Variants in STK35 observed in about 807,000 individuals in gnomAD.
STK35 encodes serine/threonine-protein kinase 35.
A neutral mutation model predicts 37.3 loss-of-function variants in STK35; 17 were observed. The ratio of observed to expected loss-of-function variants is 0.46; its 90% CI spans 0.31 to 0.68. STK35 has a LOEUF of 0.68. Among genes scored for constraint, STK35 ranks in the 30% least tolerant of loss-of-function variants. The pLI, the probability that STK35 is intolerant of heterozygous loss-of-function variation, is 0.05. For synonymous variants in STK35, 385 were observed against 319.1 expected (o/e 1.21, Z -2.20); for missense variants, 595 against 746.7 (o/e 0.80, Z 2.37).
At chr20:2,118,055 A>C (rs867674931) in intron 3 of STK35, among the ~76,000 whole-genome samples, 1 of 152,148 alleles carries the variant, frequency 6.6e-6, no homozygotes. Flanking sequence ...CAGAGAATAA[A>C]CACTATCTCT....
At chr20:2,124,280 G>A (rs1361371067) in intron 3 of STK35, among the ~76,000 whole-genome samples, 1 of 152,146 alleles carries the variant, frequency 6.6e-6, no homozygotes, top group East Asian at 1.9e-4. Context: ...TCCAGAATAT[G>A]GTGATAAGCA....
intron 3 of STK35, among the ~76,000 whole-genome samples, chr20:2,118,092 C>A (rs970213101): frequency 6.6e-6 from 1 of 152,136 alleles, no homozygotes; most frequent in East Asian, 1.9e-4. Context: ...CTCACACATC[C>A]GGTTCCACAT....
intron 2 of STK35, among the ~76,000 whole-genome samples, chr20:2,114,200 G>A (rs954853951): frequency 1.3e-5 from 2 of 152,082 alleles, no homozygotes; most frequent in Non-Finnish European, 2.9e-5. Flanking sequence ...GAAAGCATAC[G>A]CTGCAGCTTC....
At position 2,117,484 on chromosome 20, in the gene STK35, G is replaced by T; in HGVS notation, c.*37+69G>T. The T allele has an allele frequency of 1.2e-6, 1 of 856,154 alleles. No individual in the cohort carries two copies. Among genetic ancestry groups the T allele is most frequent in the African/African-American group, 1.7e-5 (1 of 58,782 alleles). The allele number at this position is 856,154 out of a possible 1,614,324, so 53.0% of individuals were successfully genotyped here. A position where few individuals can be genotyped will look rare whatever the true frequency, so the allele number is the denominator to read the frequency against. On this transcript the variant is annotated intron_variant, in intron 3 of 3. Coordinates refer to ENST00000381482, the MANE Select transcript of STK35 (RefSeq NM_080836.4). This position sits in a 1 kb window ranked among gnomAD's most constrained non-coding sequence, Gnocchi z 4.4. ...AGGGTCTCACTCTGTTGGTCAGGCT[G>T]GGGTGCAGCGGGTGCAGTGGCAGGA...
At chr20:2,139,585 G>C (rs527912612) in intron 3 of STK35, among the ~76,000 whole-genome samples, 14 of 152,152 alleles carry the variant, frequency 9.2e-5, no homozygotes, top group Non-Finnish European at 1.6e-4. Flanking sequence ...CTGTCTATGA[G>C]GCTGTTCTCT....
At chr20:2,120,877 T>G (rs1370928252) in intron 3 of STK35, among the ~76,000 whole-genome samples, 2 of 151,696 alleles carry the variant, frequency 1.3e-5, no homozygotes, top group Admixed American at 6.6e-5. Flanking sequence ...TAGAGCAGGG[T>G]AGGGGAGATC....
chr20:2,111,954 A>G (rs1016868739), intron 2 of STK35, among the ~76,000 whole-genome samples: 3 of 151,692 alleles, frequency 2.0e-5, no homozygotes, highest in African/African-American at 7.3e-5. Flanking sequence ...TTCTCTCCCA[A>G]CTCTTCTGGC....
Position 2,105,365 on chromosome 20 carries a change from A to G in STK35, c.892+2000A>G, listed in dbSNP as rs921134698. On this transcript the variant is annotated intron_variant, in intron 2 of 3. Transcript: ENST00000381482. ...TGTTTATTCCTTGTGTCCTCAGTTC[A>G]TTGACGCCAGTCTCGAACCTTCAAC... Among the ~76,000 whole-genome samples the G allele has an allele frequency of 5.9e-5, 9 of 152,120 alleles. No homozygotes were observed. The East Asian group carries it at 1.7e-3, about 29-fold the overall frequency.
At chr20:2,140,356 C>T (rs1284674065) in intron 3 of STK35, among the ~76,000 whole-genome samples, 1 of 152,134 alleles carries the variant, frequency 6.6e-6, no homozygotes, top group Non-Finnish European at 1.5e-5. Flanking sequence ...GGATGAAGCA[C>T]CACAAGCCTA....
At chr20:2,143,742 TG>T (rs1359365903) in intron 3 of STK35, 41 bp from the exon 4 acceptor site, 2 of 351,054 alleles carry the variant, frequency 5.7e-6, no homozygotes, top group South Asian at 4.3e-5. Flanking sequence ...TGCCCAGGCC[TG>T]CTGACCAATG....
At chr20:2,143,415 T>A (rs991134458) in intron 3 of STK35, among the ~76,000 whole-genome samples, 6 of 152,216 alleles carry the variant, frequency 3.9e-5, no homozygotes, top group African/African-American at 2.4e-5. Context: ...GAAGCAGTGC[T>A]GGCAAGGTCT....
At chr20:2,135,299 G>A (rs1332291021) in intron 3 of STK35, among the ~76,000 whole-genome samples, 1 of 152,172 alleles carries the variant, frequency 6.6e-6, no homozygotes, top group Non-Finnish European at 1.5e-5. Context: ...ACAGAATGTG[G>A]AAGATGGTGG....
intron 3 of STK35, among the ~76,000 whole-genome samples, chr20:2,134,821 G>A (rs933729095): frequency 2.0e-5 from 3 of 152,236 alleles, no homozygotes; most frequent in Admixed American, 6.5e-5. Context: ...AACCCGGGAG[G>A]TGGAGGTTGC....
At chr20:2,114,366 CA>C (rs1440041564) in intron 2 of STK35, among the ~76,000 whole-genome samples, 2 of 152,106 alleles carry the variant, frequency 1.3e-5, no homozygotes, top group Non-Finnish European at 2.9e-5. Context: ...ACCACTTGAG[CA>C]CAGGAGTTGG....
intron 3 of STK35, among the ~76,000 whole-genome samples, chr20:2,127,541 A>G (rs981685201): frequency 2.0e-5 from 3 of 152,174 alleles, no homozygotes; most frequent in Non-Finnish European, 4.4e-5. Context: ...TGATTATACC[A>G]CACCCCAGAC....
intron 2 of STK35, among the ~76,000 whole-genome samples, chr20:2,108,759 G>C: frequency 6.6e-6 from 1 of 152,136 alleles, no homozygotes; most frequent in South Asian, 2.1e-4. Flanking sequence ...TTCCTTAATT[G>C]AGAGCTTTGG....
In STK35 at chr20:2,119,445, A is replaced by G. The variant is rs574499283; in HGVS notation, c.*37+2030A>G. Among the ~76,000 whole-genome samples, 15 of 152,356 alleles carry G rather than the reference A, an allele frequency of 9.8e-5. 1 individual carries two copies. In the South Asian group the frequency reaches 3.1e-3, roughly 32 times the overall value. On this transcript the variant is annotated intron_variant, in intron 3 of 3. Coordinates refer to ENST00000381482, the MANE Select transcript of STK35 (RefSeq NM_080836.4). ...AGACAGAAATTGAACTGGAAAACCC[A>G]AAGGTATTTATAGGAACAGCAGAAT...
At chr20:2,113,400 C>G (rs1345939514) in intron 2 of STK35, among the ~76,000 whole-genome samples, 1 of 152,114 alleles carries the variant, frequency 6.6e-6, no homozygotes, top group Non-Finnish European at 1.5e-5. Context: ...AGGGAAGTTA[C>G]TGGGAAATCA....
chr20:2,109,637 C>T (rs894816365), intron 2 of STK35, among the ~76,000 whole-genome samples: 1 of 152,164 alleles, frequency 6.6e-6, no homozygotes, highest in South Asian at 2.1e-4. Context: ...GCCTTGTGAC[C>T]GTGTTGGACA....
Sources: allele counts gnomAD v4.1 joint callset (sites outside exome capture counted in the v4.1 genomes callset), GRCh38; gene constraint gnomAD v4.1.1; non-coding constraint Gnocchi (gnomAD v3.1); transcripts MANE v1.5; gene names NCBI Gene and HGNC (gene_info 2026-07-23, HGNC 2026-07-21).